The following PTPRD variants were observed in gnomAD, a reference collection of about 807,000 sequenced individuals.
PTPRD encodes the protein protein tyrosine phosphatase receptor type D.
A neutral mutation model predicts 214.5 loss-of-function variants in PTPRD; 34 were observed. The ratio of observed to expected loss-of-function variants is 0.16; its 90% CI spans 0.12 to 0.21. The LOEUF (loss-of-function observed/expected upper bound fraction) is 0.21. PTPRD is among the 10% of genes least tolerant of loss of function. The pLI is 1.00. For missense variants in PTPRD, 2,545 were observed against 2,398.7 expected, an observed-to-expected ratio of 1.06 and a Z score of -1.27; for synonymous variants, 1,128 against 845.7, an observed-to-expected ratio of 1.33 and a Z score of -5.79.
intron 3 of PTPRD, among the ~76,000 whole-genome samples, chr9:10,289,677 G>C (rs939676496): frequency 1.3e-5 from 2 of 152,088 alleles, no homozygotes; most frequent in Non-Finnish European, 2.9e-5. Flanking sequence ...CAGCACTCTA[G>C]GACATTGTAA....
At chr9:8,442,000 T>A (rs891142345) in intron 34 of PTPRD, among the ~76,000 whole-genome samples, 2 of 152,176 alleles carry the variant, frequency 1.3e-5, no homozygotes, top group Non-Finnish European at 2.9e-5. Context: ...ACAGAGATCA[T>A]AAACCATCCT....
chr9:10,551,203 A>T (rs2784611), intron 2 of PTPRD, among the ~76,000 whole-genome samples: 1 of 151,844 alleles, frequency 6.6e-6, no homozygotes, highest in Admixed American at 6.6e-5. Flanking sequence ...GCCATGTATC[A>T]TGTCACACAC....
chr9:9,605,893 T>C (rs1208235444), intron 7 of PTPRD, among the ~76,000 whole-genome samples: 1 of 152,098 alleles, frequency 6.6e-6, no homozygotes. Context: ...TTTTATGTTA[T>C]AAGTAAAGGC....
intron 12 of PTPRD, among the ~76,000 whole-genome samples, chr9:8,646,580 C>G (rs1187561133): frequency 6.6e-6 from 1 of 152,026 alleles, no homozygotes; most frequent in Non-Finnish European, 1.5e-5. Context: ...CAGAATTTAC[C>G]CACATTTTTC....
intron 9 of PTPRD, among the ~76,000 whole-genome samples, chr9:9,396,279 T>C (rs2067773740): frequency 6.6e-6 from 1 of 152,032 alleles, no homozygotes; most frequent in Non-Finnish European, 1.5e-5. Flanking sequence ...ATTTATATAC[T>C]ACCTTACTAT....
At chr9:9,044,688 G>A (rs893145947) in intron 10 of PTPRD, among the ~76,000 whole-genome samples, 1 of 152,134 alleles carries the variant, frequency 6.6e-6, no homozygotes, top group African/African-American at 2.4e-5. Flanking sequence ...TGACTATGCT[G>A]GGAACTTGAG....
chr9:9,566,571 A>C, intron 8 of PTPRD, among the ~76,000 whole-genome samples: 1 of 151,926 alleles, frequency 6.6e-6, no homozygotes, highest in East Asian at 1.9e-4. Context: ...GCTAAATAAA[A>C]CCTGGATGTT....
At chr9:9,113,206 C>T (rs1208084723) in intron 10 of PTPRD, among the ~76,000 whole-genome samples, 1 of 152,004 alleles carries the variant, frequency 6.6e-6, no homozygotes, top group Non-Finnish European at 1.5e-5. Context: ...AAATCCTGGG[C>T]TGAAGTTATC....
intron 2 of PTPRD, among the ~76,000 whole-genome samples, chr9:10,457,186 A>C (rs896373231): frequency 6.6e-6 from 1 of 151,986 alleles, no homozygotes; most frequent in African/African-American, 2.4e-5. Flanking sequence ...TTGAAGTATA[A>C]TTTGAATGCC....
chr9:9,538,668 C>G (rs1232255632), intron 8 of PTPRD, among the ~76,000 whole-genome samples: 1 of 151,736 alleles, frequency 6.6e-6, no homozygotes, highest in Non-Finnish European at 1.5e-5. Context: ...TGCAGGCAGA[C>G]AGGAATAAAA....
At chr9:8,331,359 ATTTTTTGGGGGATAAACAT>A (rs544023841) in intron 44 of PTPRD, among the ~76,000 whole-genome samples, 3 of 152,184 alleles carry the variant, frequency 2.0e-5, no homozygotes, top group African/African-American at 7.2e-5. Context: ...TAGGAAGCAA[ATTTTTTGGGGGATAAACAT>A]TTTTTTGGGG....
chr9:10,516,165 G>A (rs1397452533), intron 2 of PTPRD, among the ~76,000 whole-genome samples: 1 of 151,718 alleles, frequency 6.6e-6, no homozygotes, highest in East Asian at 1.9e-4. Flanking sequence ...ATTTTCCACA[G>A]TTGTTTCACA....
At chr9:8,914,049 G>C (rs1392731776) in intron 11 of PTPRD, among the ~76,000 whole-genome samples, 1 of 152,118 alleles carries the variant, frequency 6.6e-6, no homozygotes, top group Non-Finnish European at 1.5e-5. Context: ...TATACAATCA[G>C]ACTAATGAAT....
intron 35 of PTPRD, among the ~76,000 whole-genome samples, chr9:8,428,094 G>A (rs1463123042): frequency 6.6e-6 from 1 of 152,184 alleles, no homozygotes; most frequent in African/African-American, 2.4e-5. Flanking sequence ...AGGTCACACA[G>A]TTTGAGCTAG....
At chr9:8,556,362 T>A (rs551824380) in intron 14 of PTPRD, among the ~76,000 whole-genome samples, 1 of 152,344 alleles carries the variant, frequency 6.6e-6, no homozygotes, top group Non-Finnish European at 1.5e-5. Context: ...TGAATGTTTT[T>A]CTAACAGTCT....
At chr9:8,568,335 C>G (rs1250539194) in intron 14 of PTPRD, among the ~76,000 whole-genome samples, 1 of 152,124 alleles carries the variant, frequency 6.6e-6, no homozygotes, top group Non-Finnish European at 1.5e-5. Flanking sequence ...CCCTCCCTCT[C>G]TACTAACAGT....
intron 10 of PTPRD, among the ~76,000 whole-genome samples, chr9:9,101,488 T>G (rs912704321): frequency 6.6e-6 from 1 of 152,178 alleles, no homozygotes; most frequent in African/African-American, 2.4e-5. Flanking sequence ...ATATTCTTGA[T>G]GCATTAATGA....
chr9:9,250,875 T>G (rs2099975197), intron 9 of PTPRD, among the ~76,000 whole-genome samples: 1 of 152,116 alleles, frequency 6.6e-6, no homozygotes, highest in Non-Finnish European at 1.5e-5. Flanking sequence ...TTTTTATTTA[T>G]TTATTTGAAT....
At chr9:9,299,514 G>A (rs1954433610) in intron 9 of PTPRD, among the ~76,000 whole-genome samples, 1 of 151,548 alleles carries the variant, frequency 6.6e-6, no homozygotes. Flanking sequence ...ACAGTTATTT[G>A]TCTTTAAATT....
Sources: allele counts gnomAD v4.1 joint callset (sites outside exome capture counted in the v4.1 genomes callset), GRCh38; gene constraint gnomAD v4.1.1; transcripts MANE v1.5; gene names NCBI Gene and HGNC (gene_info 2026-07-23, HGNC 2026-07-21).